Variants in THSD4 observed in about 807,000 individuals in gnomAD.
The protein encoded by THSD4 is thrombospondin type 1 domain containing 4.
In THSD4, 69 loss-of-function variants were observed where a neutral mutation model predicts 119.0. That is an observed-to-expected ratio of 0.58 (90% CI 0.48 to 0.71). The LOEUF (loss-of-function observed/expected upper bound fraction) is 0.71. THSD4 is among the 30% of genes least tolerant of loss of function. THSD4 has a pLI of 0.00. For synonymous variants in THSD4, 524 were observed against 540.4 expected (o/e 0.97, Z 0.42); for missense variants, 1,393 against 1,391.1 (o/e 1.00, Z -0.02).
chr15:71,379,450 CTTTTTTTTT>C lies in THSD4; in HGVS notation c.1016-32219_1016-32211del, dbSNP rs34326932. ...GACAAATTACTGAAGCAAATGGCTT[CTTTTTTTTT>C]TTTTTTTTTTTTTTTTTGAGATGGA... On this transcript the variant is annotated intron_variant, in intron 6 of 17. Transcript: ENST00000261862. Among the ~76,000 whole-genome samples the C allele has an allele frequency of 1.2e-4, 9 of 77,562 alleles. No individual in the cohort carries two copies. The East Asian group carries it at 1.8e-3, about 15-fold the overall frequency. 50.9% of individuals were successfully genotyped at this position (77,562 alleles called of 152,430 possible). A position where few individuals can be genotyped will look rare whatever the true frequency, so the allele number is the denominator to read the frequency against.
intron 7 of THSD4, among the ~76,000 whole-genome samples, chr15:71,516,732 G>A (rs1402746401): frequency 6.6e-6 from 1 of 152,120 alleles, no homozygotes; most frequent in Non-Finnish European, 1.5e-5. Flanking sequence ...AAGAACTCTA[G>A]TAACTGAAAT....
intron 7 of THSD4, among the ~76,000 whole-genome samples, chr15:71,653,994 G>A (rs917518594): frequency 6.6e-6 from 1 of 152,046 alleles, no homozygotes; most frequent in African/African-American, 2.4e-5. Flanking sequence ...TTTAGACCAG[G>A]GATTGGCAAT....
In THSD4 at chr15:71,765,176, T is replaced by C. The variant is rs751176663; in HGVS notation, c.2746T>C (p.Trp916Arg). ...SCHLKPCGAK[W>R]FSTEWSMCSK... ...CCACCTCAAGCCTTGCGGAGCCAAA[T>C]GGTTTAGCACCGAATGGAGCATGGT... The change falls in exon 16 of 18, where the codon TGG becomes CGG. Residue 916 changes from tryptophan (W) to arginine (R), a missense_variant. Coordinates refer to ENST00000261862, the MANE Select transcript of THSD4 (RefSeq NM_024817.3). 5.0e-6 allele frequency: 8 copies of C among 1,613,984 alleles called. No homozygotes were observed. Among genetic ancestry groups the C allele is most frequent in the Non-Finnish European group, 4.2e-6 (5 of 1,180,012 alleles).
intron 6 of THSD4, among the ~76,000 whole-genome samples, chr15:71,332,763 GTGA>G (rs992717475): frequency 2.6e-5 from 4 of 152,066 alleles, no homozygotes; most frequent in African/African-American, 7.2e-5. Context: ...AAATATTTGA[GTGA>G]TGAATTCATT....
At chr15:71,571,531 T>G (rs1385298119) in intron 7 of THSD4, among the ~76,000 whole-genome samples, 1 of 152,188 alleles carries the variant, frequency 6.6e-6, no homozygotes, top group Non-Finnish European at 1.5e-5. Context: ...CCCACTGCAT[T>G]AAGGCAAGGT....
intron 11 of THSD4, among the ~76,000 whole-genome samples, chr15:71,739,665 T>C (rs957539638): frequency 9.9e-5 from 15 of 152,144 alleles, no homozygotes; most frequent in African/African-American, 3.6e-4. Flanking sequence ...CTCCTGTTTG[T>C]AGTAAAGTCC....
At chr15:71,510,806 T>C (rs1305318683) in intron 7 of THSD4, among the ~76,000 whole-genome samples, 1 of 151,982 alleles carries the variant, frequency 6.6e-6, no homozygotes, top group East Asian at 1.9e-4. Context: ...TAATTAAAAG[T>C]CTCATTATTT....
At chr15:71,131,020 A>G (rs896153097) in intron 1 of THSD4, among the ~76,000 whole-genome samples, 1 of 152,244 alleles carries the variant, frequency 6.6e-6, no homozygotes, top group Non-Finnish European at 1.5e-5. Flanking sequence ...CTGGGATTAC[A>G]GGTGTGAGCC....
chr15:71,637,723 T>C (rs1371258839), intron 7 of THSD4, among the ~76,000 whole-genome samples: 1 of 151,700 alleles, frequency 6.6e-6, no homozygotes, highest in Admixed American at 6.6e-5. Flanking sequence ...GGTTGCACAT[T>C]ATGAATTTTT....
At chr15:71,170,082 G>C (rs771947956) in intron 3 of THSD4, among the ~76,000 whole-genome samples, 7 of 152,192 alleles carry the variant, frequency 4.6e-5, no homozygotes, top group African/African-American at 1.7e-4. Flanking sequence ...GCTGAAGCGG[G>C]AGAATCTCTT....
At chr15:71,605,949 C>A (rs929230258) in intron 7 of THSD4, among the ~76,000 whole-genome samples, 1 of 152,124 alleles carries the variant, frequency 6.6e-6, no homozygotes, top group Non-Finnish European at 1.5e-5. Context: ...GAGACAAAAC[C>A]AACGGAGTGA....
At chr15:71,128,156 T>C (rs142388818) in intron 1 of THSD4, among the ~76,000 whole-genome samples, 293 of 151,848 alleles carry the variant, frequency 1.9e-3, no homozygotes, top group Non-Finnish European at 3.4e-3. Context: ...AATCAGTGGA[T>C]TGGAAGATGT....
chr15:71,728,417 A>G (rs1267758226), intron 8 of THSD4, 132 bp from the exon 9 acceptor site: 2 of 1,123,094 alleles, frequency 1.8e-6, no homozygotes, highest in East Asian at 2.4e-5. Flanking sequence ...CAGGGCCTGG[A>G]TCATTGCCTG....
chr15:71,259,506 C>T (rs1394068708), intron 6 of THSD4, among the ~76,000 whole-genome samples: 1 of 152,192 alleles, frequency 6.6e-6, no homozygotes, highest in Non-Finnish European at 1.5e-5. Context: ...CTGATAGTAG[C>T]AGATGCCTTA....
intron 3 of THSD4, 39 bp from the exon 4 acceptor site, chr15:71,214,996 G>GT (rs1346314543): frequency 8.1e-6 from 10 of 1,237,226 alleles, no homozygotes; most frequent in African/African-American, 7.9e-5. Context: ...GAAGAGAGGA[G>GT]CGGTGTTCTG....
At chr15:71,738,280 T>A (rs1299975075) in intron 11 of THSD4, 3 of 384,812 alleles carry the variant, frequency 7.8e-6, no homozygotes, top group Non-Finnish European at 1.4e-5. Context: ...CCTATGAGAA[T>A]GTAACGCCAC....
chr15:71,224,827 G>A (rs1395985472), intron 4 of THSD4, among the ~76,000 whole-genome samples: 1 of 152,080 alleles, frequency 6.6e-6, no homozygotes, highest in African/African-American at 2.4e-5. Flanking sequence ...CCACTTATAA[G>A]GAGGACCCTT....
At chr15:71,277,811 T>C (rs2044609705) in intron 6 of THSD4, among the ~76,000 whole-genome samples, 1 of 152,058 alleles carries the variant, frequency 6.6e-6, no homozygotes, top group African/African-American at 2.4e-5. Context: ...CTTTGGATGG[T>C]CCACTGAAGG....
chr15:71,361,251 C>T (rs2045888799), intron 6 of THSD4, among the ~76,000 whole-genome samples: 1 of 152,164 alleles, frequency 6.6e-6, no homozygotes, highest in Non-Finnish European at 1.5e-5. Flanking sequence ...TGACTATTAG[C>T]TGACCTACTT....
Sources: allele counts gnomAD v4.1 joint callset (sites outside exome capture counted in the v4.1 genomes callset), GRCh38; gene constraint gnomAD v4.1.1; transcripts MANE v1.5; gene names NCBI Gene and HGNC (gene_info 2026-07-23, HGNC 2026-07-21).